Variants in MGMT observed in about 807,000 individuals in gnomAD.
The protein encoded by MGMT is O-6-methylguanine-DNA methyltransferase.
A neutral mutation model predicts 15.9 loss-of-function variants in MGMT; 14 were observed. That is an observed-to-expected ratio of 0.88 (90% confidence interval 0.58 to 1.37). The LOEUF (loss-of-function observed/expected upper bound fraction) is 1.37, where lower values mean the gene tolerates loss of function less well. Among genes scored for constraint, MGMT ranks in the 40% most tolerant of loss-of-function variants. The pLI is 0.00. For missense variants in MGMT, 282 were observed against 268.1 expected, an observed-to-expected ratio of 1.05 and a Z score of -0.36; for synonymous variants, 130 against 118.2, an observed-to-expected ratio of 1.10 and a Z score of -0.65.
intron 2 of MGMT, among the ~76,000 whole-genome samples, chr10:129,558,098 A>G (rs753916101): frequency 7.9e-5 from 12 of 152,184 alleles, no homozygotes; most frequent in African/African-American, 2.4e-4. Context: ...GAGCCCGCAC[A>G]GGCCCCCTGT....
intron 4 of MGMT, among the ~76,000 whole-genome samples, chr10:129,766,018 C>T (rs1001361010): frequency 1.3e-5 from 2 of 152,212 alleles, no homozygotes; most frequent in African/African-American, 4.8e-5. Flanking sequence ...GCGCCCGCCC[C>T]TCTGGAGGGA....
chr10:129,554,471 T>C (rs745521241), intron 2 of MGMT, among the ~76,000 whole-genome samples: 116 of 152,200 alleles, frequency 7.6e-4, no homozygotes, highest in Non-Finnish European at 1.4e-3. Flanking sequence ...TAAGGCCTGT[T>C]GCGTGGTTGT....
At chr10:129,691,401 G>A (rs1847968053) in intron 2 of MGMT, among the ~76,000 whole-genome samples, 2 of 152,254 alleles carry the variant, frequency 1.3e-5, no homozygotes, top group African/African-American at 4.8e-5. Flanking sequence ...CAGGCAGCTG[G>A]GCCCAGACGT....
intron 1 of MGMT, among the ~76,000 whole-genome samples, chr10:129,534,097 G>T (rs944951948): frequency 3.3e-5 from 5 of 152,186 alleles, no homozygotes; most frequent in Non-Finnish European, 7.3e-5. Context: ...GATTTGGTCT[G>T]ATTTATCCTA....
chr10:129,546,677 A>G (rs1254794141), intron 2 of MGMT, among the ~76,000 whole-genome samples: 1 of 151,980 alleles, frequency 6.6e-6, no homozygotes, highest in Non-Finnish European at 1.5e-5. Context: ...TTGTGTCAGG[A>G]TTGCCCAGAG....
At chr10:129,547,670 A>G (rs2119781849) in intron 2 of MGMT, among the ~76,000 whole-genome samples, 2 of 152,348 alleles carry the variant, frequency 1.3e-5, no homozygotes, top group East Asian at 3.9e-4. Flanking sequence ...GCCTTCTTCC[A>G]GAAAGCTATC....
intron 2 of MGMT, among the ~76,000 whole-genome samples, chr10:129,603,714 G>A (rs990991875): frequency 1.3e-5 from 2 of 152,196 alleles, no homozygotes; most frequent in African/African-American, 4.8e-5. Flanking sequence ...AGAATATTAG[G>A]CACACTGCTT....
intron 2 of MGMT, among the ~76,000 whole-genome samples, chr10:129,598,701 TTTC>T (rs1846781888): frequency 6.6e-6 from 1 of 152,302 alleles, no homozygotes; most frequent in East Asian, 1.9e-4. Context: ...AATCCTAAAT[TTTC>T]TTCTAACTAG....
chr10:129,615,474 C>T (rs529838596), intron 2 of MGMT, among the ~76,000 whole-genome samples: 3 of 152,284 alleles, frequency 2.0e-5, no homozygotes, highest in South Asian at 4.1e-4. Context: ...CATCTGACGG[C>T]GCCGGGCAGA....
At chr10:129,687,732 T>C (rs141344393) in intron 2 of MGMT, among the ~76,000 whole-genome samples, 1,948 of 151,300 alleles carry the variant, frequency 0.013, 18 homozygotes, top group Middle Eastern at 0.024. Context: ...AGTTCTAGGG[T>C]ACATGTGCAC....
At chr10:129,646,518 G>T (rs185440663) in intron 2 of MGMT, among the ~76,000 whole-genome samples, 4 of 151,420 alleles carry the variant, frequency 2.6e-5, no homozygotes, top group Admixed American at 2.0e-4. Flanking sequence ...TGCACAAATC[G>T]TCTCAAAGAT....
intron 2 of MGMT, among the ~76,000 whole-genome samples, chr10:129,549,068 TGTGA>T (rs1184612465): frequency 1.8e-4 from 27 of 152,334 alleles, no homozygotes; most frequent in African/African-American, 6.0e-4. Context: ...AGGAAAGAAA[TGTGA>T]GTGTGTGGAT....
At chr10:129,691,175 G>A (rs1379127552) in intron 2 of MGMT, among the ~76,000 whole-genome samples, 1 of 152,258 alleles carries the variant, frequency 6.6e-6, no homozygotes, top group Non-Finnish European at 1.5e-5. Flanking sequence ...AGGAGTTAGA[G>A]GTGATGACCA....
In MGMT at chr10:129,542,270, T is replaced by C. The variant is rs1428237212; in HGVS notation, c.125+5893T>C. 2.6e-5 allele frequency among the ~76,000 whole-genome samples: 4 copies of C among 152,254 alleles called. No homozygotes were observed. The South Asian group carries it at 6.2e-4, about 24-fold the overall frequency. On this transcript the variant is annotated intron_variant, in intron 2 of 4. Transcript: ENST00000651593. The stretch of plus-strand genomic sequence containing the variant: ...TCCCGGCTGGCTTGGTATGTGCACC[T>C]GCCGAGTCTGTGCTGCCAGTTATCC...
chr10:129,583,966 C>G (rs1846588420), intron 2 of MGMT, among the ~76,000 whole-genome samples: 2 of 152,122 alleles, frequency 1.3e-5, no homozygotes, highest in African/African-American at 4.8e-5. Context: ...GTCATCAGAG[C>G]TGGCAGAGGC....
intron 2 of MGMT, among the ~76,000 whole-genome samples, chr10:129,666,319 A>G (rs1297674260): frequency 6.6e-6 from 1 of 152,218 alleles, no homozygotes; most frequent in Non-Finnish European, 1.5e-5. Flanking sequence ...TTCAGGGTGC[A>G]TTCACTATGT....
chr10:129,621,577 C>T (rs1410363303), intron 2 of MGMT, among the ~76,000 whole-genome samples: 4 of 152,036 alleles, frequency 2.6e-5, no homozygotes, highest in East Asian at 1.9e-4. Context: ...TAGATGAATG[C>T]GAGGCTGTTG....
rs531557212 is a variant in MGMT at position 129,568,587 on chromosome 10, C to T, written c.125+32210C>T. 5.9e-5 allele frequency among the ~76,000 whole-genome samples: 9 copies of T among 152,272 alleles called. No homozygotes were observed. In the South Asian group the frequency reaches 1.7e-3, roughly 28 times the overall value. On this transcript the variant is annotated intron_variant, in intron 2 of 4. Transcript: ENST00000651593. ...CTTGGGAGACATTTTAGAAATATGTCATTGGTGACCACTTTTTATAGGCTG... is the reference window on the plus strand; with the variant it reads ...CTTGGGAGACATTTTAGAAATATGTTATTGGTGACCACTTTTTATAGGCTG...
At chr10:129,733,935 C>T (rs1253977426) in intron 3 of MGMT, among the ~76,000 whole-genome samples, 1 of 151,880 alleles carries the variant, frequency 6.6e-6, no homozygotes, top group Non-Finnish European at 1.5e-5. Flanking sequence ...GTTTTGGTAC[C>T]AGTACCATGC....
Sources: allele counts gnomAD v4.1 joint callset (sites outside exome capture counted in the v4.1 genomes callset), GRCh38; gene constraint gnomAD v4.1.1; transcripts MANE v1.5; gene names NCBI Gene and HGNC (gene_info 2026-07-23, HGNC 2026-07-21).